RYR1: variants seen among roughly 807,000 people sequenced by gnomAD.
The protein encoded by RYR1 is ryanodine receptor 1.
A neutral mutation model predicts 583.5 loss-of-function variants in RYR1; 342 were observed. That is an observed-to-expected ratio of 0.59 (90% confidence interval 0.54 to 0.64). The LOEUF (loss-of-function observed/expected upper bound fraction) is 0.64, where lower values mean the gene tolerates loss of function less well. RYR1 is among the 30% of genes least tolerant of loss of function. The pLI is 0.00. For missense variants in RYR1, 6,032 were observed against 6,917.2 expected, an observed-to-expected ratio of 0.87 and a Z score of 4.54; for synonymous variants, 2,791 against 2,822.5, an observed-to-expected ratio of 0.99 and a Z score of 0.35.
chr19:38,492,996 G>C (rs1969626655), intron 38 of RYR1, among the ~76,000 whole-genome samples: 1 of 152,104 alleles, frequency 6.6e-6, no homozygotes, highest in Non-Finnish European at 1.5e-5. Context: ...TTGAATGCAG[G>C]AGGTGGGGGT....
chr19:38,435,798 G>A (rs1484659452), intron 1 of RYR1, among the ~76,000 whole-genome samples: 1 of 152,062 alleles, frequency 6.6e-6, no homozygotes, highest in Non-Finnish European at 1.5e-5. Flanking sequence ...TTACAACTCA[G>A]TACATGCACA....
chr19:38,512,676 C>A lies in RYR1; in HGVS notation c.9472+193C>A, dbSNP rs1451303043. Among the ~76,000 whole-genome samples the A allele has an allele frequency of 1.3e-5, 2 of 152,144 alleles. No individual in the cohort carries two copies. Among genetic ancestry groups the A allele is most frequent in the Admixed American group, 6.6e-5 (1 of 15,262 alleles). ...AGCTCAGCAGCTCTAACAAAAGACCCTAAGTGGACTGGCGCAGTGACTCAC... is the reference window on the plus strand; with the variant it reads ...AGCTCAGCAGCTCTAACAAAAGACCATAAGTGGACTGGCGCAGTGACTCAC... On this transcript the variant is annotated intron_variant, in intron 63 of 105. Transcript: ENST00000359596. The surrounding 1 kb of genome is among the most constrained non-coding windows in gnomAD (Gnocchi z 5.1).
intron 56 of RYR1, 63 bp downstream of exon 56, chr19:38,506,609 G>A: frequency 6.3e-7 from 1 of 1,583,762 alleles, no homozygotes; most frequent in Non-Finnish European, 8.7e-7. Flanking sequence ...TTTGCTGATT[G>A]CCTTCATGCC....
At chr19:38,570,719 G>A in intron 94 of RYR1, 26 bp downstream of exon 94, 1 of 1,578,406 alleles carries the variant, frequency 6.3e-7, no homozygotes, top group Non-Finnish European at 8.7e-7. Context: ...GGCTGGGAGG[G>A]TCAGGCCCTT....
In RYR1 at chr19:38,536,113, C is replaced by T. The variant is rs12979784; in HGVS notation, c.11590+43C>T. Reference sequence around the variant, plus strand: ...GCTTCCCACCCCCTGAGACATCTTCCTTTGGGATTCCTCCCACCCCACCCC... The same window carrying T: ...GCTTCCCACCCCCTGAGACATCTTCTTTTGGGATTCCTCCCACCCCACCCC... On this transcript the variant is annotated intron_variant, in intron 82 of 105. Coordinates refer to ENST00000359596, the MANE Select transcript of RYR1 (RefSeq NM_000540.3). 6.5e-7 allele frequency: 1 copy of T among 1,543,710 alleles called. No individual in the cohort carries two copies. The highest frequency in any genetic ancestry group is 8.8e-7 in the Non-Finnish European group (1 of 1,138,998).
chr19:38,499,470 TG>T lies in RYR1; in HGVS notation c.7028-164del, dbSNP rs1025234576. On this transcript the variant is annotated intron_variant, in intron 43 of 105. Transcript: ENST00000359596. The surrounding 1 kb of genome is among the most constrained non-coding windows in gnomAD (Gnocchi z 7.3). ...GGGAGCCTGGTGTTACCCCTAGAGG[TG>T]TTGGGTCCTGGGGCTGGCAGGGGCC... Among the ~76,000 whole-genome samples the T allele has an allele frequency of 2.5e-5, 3 of 118,784 alleles. No homozygotes were observed. The highest frequency in any genetic ancestry group is 1.0e-4 in the African/African-American group (3 of 30,060). 77.9% of individuals were successfully genotyped at this position (118,784 alleles called of 152,430 possible).
At position 38,505,152 on chromosome 19, in the gene RYR1, T is replaced by C. The variant is rs1022377563; in HGVS notation, c.8310+71T>C. 70 of 1,434,750 alleles carry C rather than the reference T, an allele frequency of 4.9e-5. No homozygotes were observed. In the African/African-American group the frequency reaches 9.3e-4, roughly 19 times the overall value. The allele number at this position is 1,434,750 out of a possible 1,614,324, so 88.9% of individuals were successfully genotyped here. ...CTTTCCCCCCGACCTGGTTCTTCCC[T>C]GAGGCCCCAGATCTCCCTGAGACCC... On this transcript the variant is annotated intron_variant, in intron 52 of 105. Coordinates refer to ENST00000359596, the MANE Select transcript of RYR1 (RefSeq NM_000540.3).
chr19:38,542,401 C>A (rs1384775829), intron 84 of RYR1, among the ~76,000 whole-genome samples: 2 of 152,108 alleles, frequency 1.3e-5, no homozygotes, highest in Non-Finnish European at 2.9e-5. Context: ...CTATTTCTCC[C>A]TGCTACATAG....
At chr19:38,527,947 G>A (rs1245235886) in intron 73 of RYR1, 163 bp downstream of exon 73, 1 of 759,658 alleles carries the variant, frequency 1.3e-6, no homozygotes, top group East Asian at 2.8e-5. Flanking sequence ...TGGATCGGGG[G>A]AGGGGTCTGC....
intron 89 of RYR1, among the ~76,000 whole-genome samples, chr19:38,558,072 G>C (rs1430480436): frequency 6.6e-6 from 1 of 152,078 alleles, no homozygotes; most frequent in Non-Finnish European, 1.5e-5. Flanking sequence ...ACTTTGGGAG[G>C]CTGAGGTGGG....
At chr19:38,441,438 G>A (rs1363144806) in intron 2 of RYR1, among the ~76,000 whole-genome samples, 3 of 150,956 alleles carry the variant, frequency 2.0e-5, no homozygotes, top group South Asian at 2.1e-4. Context: ...CCTGAGATGC[G>A]GAGGGCATCT....
intron 47 of RYR1, among the ~76,000 whole-genome samples, chr19:38,501,380 C>A (rs942176058): frequency 6.6e-5 from 10 of 152,154 alleles, no homozygotes; most frequent in African/African-American, 2.2e-4. Context: ...CACTTGTAAT[C>A]CCAGCTACTC....
intron 67 of RYR1, among the ~76,000 whole-genome samples, chr19:38,520,219 C>CA (rs1600901681): frequency 1.3e-5 from 2 of 151,506 alleles, no homozygotes; most frequent in East Asian, 3.9e-4. Flanking sequence ...ATTATAGACT[C>CA]ACACCAACAT....
chr19:38,483,992 G>A lies in RYR1; in HGVS notation c.4934+476G>A, dbSNP rs1485603406. ...CCCAGGGGACCCAGACACACCTAGG[G>A]CCACAGATGCGTTCACATGGATGGC... On this transcript the variant is annotated intron_variant, in intron 33 of 105. Coordinates refer to ENST00000359596, the MANE Select transcript of RYR1 (RefSeq NM_000540.3). This position sits in a 1 kb window ranked among gnomAD's most constrained non-coding sequence, Gnocchi z 6.3. Among the ~76,000 whole-genome samples, 3 of 151,954 alleles carry A rather than the reference G, an allele frequency of 2.0e-5. No individual in the cohort carries two copies. The highest frequency in any genetic ancestry group is 1.3e-4 in the Admixed American group (2 of 15,256).
At chr19:38,463,150 C>CG (rs1568457838) in intron 20 of RYR1, among the ~76,000 whole-genome samples, 2 of 70,844 alleles carry the variant, frequency 2.8e-5, no homozygotes, top group Non-Finnish European at 7.5e-5. Context: ...TGCCCCCCCC[C>CG]CCCCCACTTA....
intron 11 of RYR1, among the ~76,000 whole-genome samples, chr19:38,450,523 C>T (rs1001349558): frequency 7.9e-5 from 12 of 152,010 alleles, no homozygotes; most frequent in African/African-American, 2.9e-4. Flanking sequence ...CTCTCTACTG[C>T]AGAGAAGGGT....
chr19:38,575,352 A>G (rs1973908303), intron 96 of RYR1, among the ~76,000 whole-genome samples: 1 of 152,116 alleles, frequency 6.6e-6, no homozygotes, highest in African/African-American at 2.4e-5. Context: ...CCCACTGTTC[A>G]AGGTTCCTAC....
Position 38,485,831 on chromosome 19 carries a change from C to T in RYR1, c.5176C>T (p.Arg1726Cys), listed in dbSNP as rs1459876525. The T allele has an allele frequency of 1.5e-5, 24 of 1,613,570 alleles. No individual in the cohort carries two copies. The highest frequency in any genetic ancestry group is 1.9e-5 in the Non-Finnish European group (22 of 1,179,996). ...SIHLESACRS[R>C]RSMLSEYIVP... Reference sequence around the variant, plus strand: ...CCACCTCGAAAGTGCCTGCCGCAGCCGCCGCTCCATGCTCTCTGAATACAT... The same window carrying T: ...CCACCTCGAAAGTGCCTGCCGCAGCTGCCGCTCCATGCTCTCTGAATACAT... Residue 1726 changes from arginine to cysteine, a missense_variant, in exon 34 of 106, where the codon CGC becomes TGC. This residue lies in a region of RYR1 where 2,627 missense variants were observed against 2,961.3 expected (regional missense o/e 0.89). Transcript: ENST00000359596.
In RYR1 at chr19:38,512,909, G is replaced by A. The variant is rs1385945062; in HGVS notation, c.9472+426G>A. ...GAGGATCACTTGAGTCCAAGAGTTGGAGGCTGCAATGAGCTATGATCATAC... is the reference window on the plus strand; with the variant it reads ...GAGGATCACTTGAGTCCAAGAGTTGAAGGCTGCAATGAGCTATGATCATAC... On this transcript the variant is annotated intron_variant, in intron 63 of 105. Transcript: ENST00000359596. The surrounding 1 kb of genome is among the most constrained non-coding windows in gnomAD (Gnocchi z 5.1). Among the ~76,000 whole-genome samples, 1 of 152,182 alleles carries A rather than the reference G, an allele frequency of 6.6e-6. No homozygotes were observed. Among genetic ancestry groups the A allele is most frequent in the Non-Finnish European group, 1.5e-5 (1 of 68,036 alleles).
Sources: allele counts gnomAD v4.1 joint callset (sites outside exome capture counted in the v4.1 genomes callset), GRCh38; gene constraint gnomAD v4.1.1; regional missense constraint gnomAD v4.1.1; non-coding constraint Gnocchi (gnomAD v3.1); transcripts MANE v1.5; gene names NCBI Gene and HGNC (gene_info 2026-07-23, HGNC 2026-07-21).